Variants in CFAP52 observed in about 807,000 individuals in gnomAD.
The protein encoded by CFAP52 is cilia- and flagella-associated protein 52.
A neutral mutation model predicts 70.5 loss-of-function variants in CFAP52; 57 were observed. That is an observed-to-expected ratio of 0.81 (90% CI 0.65 to 1.01). The LOEUF (loss-of-function observed/expected upper bound fraction) is 1.01. Ranked by LOEUF, CFAP52 falls within the 50% of genes least tolerant of loss-of-function variation. The pLI is 0.00. For missense variants in CFAP52, 785 were observed against 788.5 expected (o/e 1.00, Z 0.05); for synonymous variants, 267 against 292.5 (o/e 0.91, Z 0.89).
At chr17:9,633,356 C>T (rs767782726) in intron 10 of CFAP52, among the ~76,000 whole-genome samples, 17 of 152,070 alleles carry the variant, frequency 1.1e-4, no homozygotes, top group African/African-American at 2.9e-4. Context: ...AGGCGCACAC[C>T]GTCATGCCCA....
intron 10 of CFAP52, 54 bp downstream of exon 10, chr17:9,633,087 A>T (rs1227513495): frequency 6.4e-7 from 1 of 1,560,614 alleles, no homozygotes; most frequent in Non-Finnish European, 8.7e-7. Flanking sequence ...CAACTGCCCT[A>T]TAGGAAGCCA....
At chr17:9,612,853 A>G (rs1909767132) in intron 8 of CFAP52, among the ~76,000 whole-genome samples, 1 of 152,180 alleles carries the variant, frequency 6.6e-6, no homozygotes, top group African/African-American at 2.4e-5. Flanking sequence ...TAGAAACTAT[A>G]TTTCAAGTAC....
intron 13 of CFAP52, 79 bp downstream of exon 13, chr17:9,641,914 T>C (rs1911082627): frequency 7.7e-7 from 1 of 1,302,286 alleles, no homozygotes; most frequent in East Asian, 2.3e-5. Flanking sequence ...CTAGAGGCAA[T>C]TGGAAAAGAC....
At chr17:9,632,778 C>G in intron 9 of CFAP52, 110 bp from the exon 10 acceptor site, 2 of 1,460,544 alleles carry the variant, frequency 1.4e-6, no homozygotes, top group Non-Finnish European at 1.8e-6. Context: ...TCTCTTTCCT[C>G]CAGCACAGCA....
At chr17:9,616,039 C>T (rs1360223322) in intron 8 of CFAP52, among the ~76,000 whole-genome samples, 1 of 151,152 alleles carries the variant, frequency 6.6e-6, no homozygotes, top group Non-Finnish European at 1.5e-5. Context: ...CAGCTCCCAG[C>T]GTGAGCGACG....
At chr17:9,583,744 C>CA (rs1908325888) in intron 1 of CFAP52, among the ~76,000 whole-genome samples, 1 of 152,066 alleles carries the variant, frequency 6.6e-6, no homozygotes, top group Non-Finnish European at 1.5e-5. Context: ...GAAGAGCAAT[C>CA]AAAAAAATTC....
rs780833074 is a variant in CFAP52, at chr17:9,598,303, A to G, written c.606A>G (p.Gly202=). The G allele has an allele frequency of 1.2e-6, 2 of 1,613,262 alleles. No individual in the cohort carries two copies. The highest frequency in any genetic ancestry group is 1.7e-5 in the Admixed American group (1 of 59,974). The part of the protein sequence containing the change: ...RKIWPTECQT[G]QLKRIVMSIG... Reference sequence around the variant, plus strand: ...TCTGGCCAACTGAGTGCCAAACAGGACAGTTGAAAAGAATAGTCATGAGTA... The same window carrying G: ...TCTGGCCAACTGAGTGCCAAACAGGGCAGTTGAAAAGAATAGTCATGAGTA... Residue 202 remains glycine, a synonymous_variant, in exon 5 of 14, where the codon GGA becomes GGG. Coordinates refer to ENST00000352665, the MANE Select transcript of CFAP52 (RefSeq NM_145054.5).
rs1288010670 is a variant in CFAP52, at chr17:9,628,817, T to C, written c.1171T>C (p.Ser391Pro). ...CATGAGGGACGGCAAAAGCATCATTTCAGGTAACGTCCACATGTCAAGATC... is the reference window on the plus strand; with the variant it reads ...CATGAGGGACGGCAAAAGCATCATTCCAGGTAACGTCCACATGTCAAGATC... ...DFMRDGKSII[S>P]AWNDGKIRAF... The change falls in exon 9 of 14, where the codon TCA (serine) becomes CCA (proline). Residue 391 changes from serine to proline, a missense_variant. Coordinates refer to ENST00000352665, the MANE Select transcript of CFAP52 (RefSeq NM_145054.5). The C allele has an allele frequency of 6.2e-6, 10 of 1,613,972 alleles. No homozygotes were observed. The highest frequency in any genetic ancestry group is 8.5e-6 in the Non-Finnish European group (10 of 1,179,980).
At chr17:9,591,030 CTTTTTTTT>C (rs34888799) in intron 3 of CFAP52, among the ~76,000 whole-genome samples, 5 of 76,758 alleles carry the variant, frequency 6.5e-5, no homozygotes, top group African/African-American at 2.7e-4. Context: ...TTGCATGCAT[CTTTTTTTT>C]TTTTTTTTTT....
At chr17:9,634,152 C>A (rs574905572) in intron 10 of CFAP52, among the ~76,000 whole-genome samples, 1 of 152,240 alleles carries the variant, frequency 6.6e-6, no homozygotes, top group South Asian at 2.1e-4. Context: ...TCCTCTGTGC[C>A]CCAGATTCTT....
At chr17:9,588,857 G>A (rs956211605) in intron 3 of CFAP52, among the ~76,000 whole-genome samples, 14 of 145,178 alleles carry the variant, frequency 9.6e-5, no homozygotes, top group Admixed American at 2.9e-4. Context: ...TGCAATCTCC[G>A]CCTCCCAGGT....
rs773650058 is a variant in CFAP52 at position 9,586,829 on chromosome 17, C to T, written c.402C>T (p.Asp134=). The T allele has an allele frequency of 3.1e-5, 50 of 1,600,314 alleles. No homozygotes were observed. The highest frequency in any genetic ancestry group is 2.6e-4 in the South Asian group (23 of 88,010). The part of the protein sequence containing the change: ...LYLVSLGGPD[D]GSVVVWSIAK... Reference sequence around the variant, plus strand: ...TGGTATCACTAGGAGGCCCAGATGACGGAAGGTAATGAACTAAACATAGTT... The same window carrying T: ...TGGTATCACTAGGAGGCCCAGATGATGGAAGGTAATGAACTAAACATAGTT... The change falls in exon 3 of 14, where the codon GAC becomes GAT. Residue 134 remains aspartate, a synonymous_variant. Coordinates refer to ENST00000352665, the MANE Select transcript of CFAP52 (RefSeq NM_145054.5).
intron 8 of CFAP52, among the ~76,000 whole-genome samples, chr17:9,613,241 G>T (rs1311600619): frequency 6.6e-6 from 1 of 150,566 alleles, no homozygotes; most frequent in Non-Finnish European, 1.5e-5. Context: ...TCTAGTTGCT[G>T]TATTTCTTGG....
chr17:9,596,057 G>GTGTGTGTGTGTGTA (rs1555541589), intron 4 of CFAP52, among the ~76,000 whole-genome samples: 1 of 103,592 alleles, frequency 9.7e-6, no homozygotes, highest in Non-Finnish European at 1.9e-5. Context: ...ATATATGTGT[G>GTGTGTGTGTGTGTA]TGTATATATA....
intron 6 of CFAP52, among the ~76,000 whole-genome samples, chr17:9,606,711 G>A (rs1413671052): frequency 1.3e-5 from 2 of 152,206 alleles, no homozygotes; most frequent in Non-Finnish European, 2.9e-5. Context: ...TCGAGGCGCT[G>A]TTGAACTCTT....
At chr17:9,625,080 G>A (rs1435945430) in intron 8 of CFAP52, among the ~76,000 whole-genome samples, 3 of 151,950 alleles carry the variant, frequency 2.0e-5, no homozygotes, top group Non-Finnish European at 4.4e-5. Flanking sequence ...CATCCAAGCT[G>A]AGCTCAGTTG....
chr17:9,633,841 T>G (rs754400931), intron 10 of CFAP52, among the ~76,000 whole-genome samples: 17 of 150,726 alleles, frequency 1.1e-4, no homozygotes, highest in Admixed American at 7.2e-4. Context: ...CACGCCCAGC[T>G]AATTTTTTTT....
At chr17:9,596,049 A>ATGTG (rs1445578110) in intron 4 of CFAP52, among the ~76,000 whole-genome samples, 88 of 39,252 alleles carry the variant, frequency 2.2e-3, no homozygotes, top group Middle Eastern at 0.011. Flanking sequence ...ATGTAGATAT[A>ATGTG]TATGTGTGTG....
At chr17:9,640,155 G>T (rs553514049) in intron 12 of CFAP52, among the ~76,000 whole-genome samples, 2 of 151,666 alleles carry the variant, frequency 1.3e-5, no homozygotes, top group African/African-American at 4.8e-5. Context: ...GCACGTTTCC[G>T]ACATGAAACA....
Sources: gnomAD v4.1 joint callset for allele counts (sites outside exome capture counted in the v4.1 genomes callset) on GRCh38, gnomAD v4.1.1 for gene constraint, MANE v1.5 for transcripts, NCBI Gene and HGNC (gene_info 2026-07-23, HGNC 2026-07-21) for gene names.